Variants in SUPT6H observed in about 807,000 individuals in gnomAD.
SUPT6H encodes transcription elongation factor SPT6.
A neutral mutation model predicts 222.3 loss-of-function variants in SUPT6H; 11 were observed. The ratio of observed to expected loss-of-function variants is 0.05; its 90% CI spans 0.03 to 0.08. The LOEUF (loss-of-function observed/expected upper bound fraction) is 0.08, where lower values mean the gene tolerates loss of function less well. SUPT6H is among the 10% of genes least tolerant of loss of function. The probability of loss-of-function intolerance (pLI) is 1.00; values close to 1 mark genes in which losing one functional copy is unlikely to be tolerated. For synonymous variants in SUPT6H, 762 were observed against 801.2 expected (o/e 0.95, Z 0.83); for missense variants, 1,422 against 2,216.0 (o/e 0.64, Z 7.19).
chr17:28,697,170 C>G lies in SUPT6H; in HGVS notation c.4209+88C>G, dbSNP rs529275573. The G allele has an allele frequency of 2.8e-5, 31 of 1,123,488 alleles. No individual in the cohort carries two copies. In the East Asian group the frequency reaches 7.3e-4, roughly 26 times the overall value. The allele number at this position is 1,123,488 out of a possible 1,614,324, so 69.6% of individuals were successfully genotyped here. A position where few individuals can be genotyped will look rare whatever the true frequency, so the allele number is the denominator to read the frequency against. ...GTGCTTTCACCTGACATTAGTAACT[C>G]GGGTCATAGGTATTTTAGCTGTGCA... On this transcript the variant is annotated intron_variant, in intron 30 of 36. Transcript: ENST00000314616.
At chr17:28,667,222 A>AAG (rs397935233) in intron 1 of SUPT6H, among the ~76,000 whole-genome samples, 1 of 147,870 alleles carries the variant, frequency 6.8e-6, no homozygotes, top group Non-Finnish European at 1.5e-5. Context: ...AAAAAAAAAA[A>AAG]TAGCTGGGCG....
chr17:28,678,755 G>T (rs2030909937), intron 10 of SUPT6H, 66 bp from the exon 11 acceptor site: 1 of 1,612,984 alleles, frequency 6.2e-7, no homozygotes, highest in Non-Finnish European at 8.5e-7. Flanking sequence ...TTCTGGTAAG[G>T]ATCAGAGCAG....
chr17:28,670,007 A>T (rs1373613037), intron 1 of SUPT6H: 2 of 152,208 alleles, frequency 1.3e-5, no homozygotes, highest in Non-Finnish European at 2.9e-5. Flanking sequence ...GCTCTAACAG[A>T]ATACAGCTGT....
chr17:28,692,601 C>T (rs2031719268), intron 27 of SUPT6H, among the ~76,000 whole-genome samples: 1 of 148,240 alleles, frequency 6.7e-6, no homozygotes, highest in South Asian at 2.2e-4. Flanking sequence ...GGCACAGTCA[C>T]ACCAGTAATC....
chr17:28,697,870 T>A (rs1272573262), intron 31 of SUPT6H, 36 bp from the exon 32 acceptor site: 1 of 1,611,426 alleles, frequency 6.2e-7, no homozygotes, highest in African/African-American at 1.3e-5. Flanking sequence ...CCAAGCATGC[T>A]GCTATCCCAA....
At chr17:28,681,154 T>G in intron 11 of SUPT6H, 102 bp from the exon 12 acceptor site, 1 of 1,301,424 alleles carries the variant, frequency 7.7e-7, no homozygotes, top group Non-Finnish European at 1.1e-6. Context: ...GGATCCCATT[T>G]TAGTTGGGAT....
intron 11 of SUPT6H, among the ~76,000 whole-genome samples, chr17:28,680,599 AAAAT>A (rs1393399333): frequency 3.9e-5 from 6 of 152,324 alleles, no homozygotes; most frequent in East Asian, 3.9e-4. Flanking sequence ...CCATCTCAAA[AAAAT>A]AAATAAATAC....
intron 36 of SUPT6H, 112 bp from the exon 37 acceptor site, chr17:28,701,327 G>A: frequency 6.9e-7 from 1 of 1,449,356 alleles, no homozygotes; most frequent in Non-Finnish European, 9.4e-7. Flanking sequence ...CCTTATCCCA[G>A]TAGAGGGGCT....
At chr17:28,669,871 G>A (rs1034624961) in intron 1 of SUPT6H, among the ~76,000 whole-genome samples, 10 of 152,256 alleles carry the variant, frequency 6.6e-5, no homozygotes, top group Non-Finnish European at 1.3e-4. Flanking sequence ...AGGAGGCGGA[G>A]GTTGCAGCGA....
intron 1 of SUPT6H, among the ~76,000 whole-genome samples, chr17:28,667,735 T>A (rs1237970590): frequency 1.3e-5 from 2 of 151,726 alleles, no homozygotes; most frequent in Admixed American, 1.3e-4. Context: ...TTCCCATTGC[T>A]CTCATAGTCC....
chr17:28,663,740 C>T (rs2072109597), intron 1 of SUPT6H, among the ~76,000 whole-genome samples: 1 of 151,098 alleles, frequency 6.6e-6, no homozygotes, highest in Non-Finnish European at 1.5e-5. Context: ...AATTTCCATT[C>T]ATAGATTTCT....
intron 5 of SUPT6H, 26 bp downstream of exon 5, chr17:28,675,188 AGTGTTTGGAT>A: frequency 6.3e-7 from 1 of 1,588,914 alleles, no homozygotes; most frequent in Non-Finnish European, 8.6e-7. Context: ...CAGGGAAGCC[AGTGTTTGGAT>A]GGGTATTGGG....
intron 35 of SUPT6H, 137 bp downstream of exon 35, chr17:28,700,649 T>G (rs2032094543): frequency 3.3e-6 from 4 of 1,225,404 alleles, no homozygotes; most frequent in Non-Finnish European, 3.4e-6. Context: ...ATATTTCTTG[T>G]CCTTAGGCCC....
In SUPT6H at chr17:28,701,882, G is replaced by A. The variant is rs554519516; in HGVS notation, c.*257G>A. ...CCAGGCTGGGAGGGGAGTGTGGCAG[G>A]GAGGAGGAAGAGGAAGGTGAGAATG... On this transcript the variant is annotated 3_prime_UTR_variant, in exon 37 of 37. Transcript: ENST00000314616. 3 of 499,010 alleles carry A rather than the reference G, an allele frequency of 6.0e-6. No homozygotes were observed. The highest frequency in any genetic ancestry group is 6.1e-5 in the East Asian group (2 of 32,710). The allele number at this position is 499,010 out of a possible 1,614,324, so 30.9% of individuals were successfully genotyped here.
chr17:28,678,493 A>C, intron 9 of SUPT6H, 52 bp from the exon 10 acceptor site: 4 of 1,547,386 alleles, frequency 2.6e-6, no homozygotes, highest in Non-Finnish European at 2.7e-6. Flanking sequence ...GACAGAGGGG[A>C]TCTTAGCAAA....
chr17:28,700,217 A>G lies in SUPT6H; in HGVS notation c.4606A>G (p.Ile1536Val). 6.2e-7 allele frequency: 1 copy of G among 1,614,236 alleles called. No homozygotes were observed. The highest frequency in any genetic ancestry group is 8.5e-7 in the Non-Finnish European group (1 of 1,180,048). The change falls in exon 34 of 37, where the codon ATC (isoleucine) becomes GTC (valine). Residue 1536 changes from isoleucine to valine, a missense_variant. By Grantham distance (29) the Ile-to-Val change is conservative. Transcript: ENST00000314616. ...SSSRTRTPAS[I>V]NATPANINLA... ...CAGCAGGACCCGGACACCTGCCTCT[A>G]TCAATGCTACCCCAGCCAACATCAA...
In SUPT6H at chr17:28,697,085, G is replaced by T; in HGVS notation, c.4209+3G>T. ...CCACTCTGTGGATCAACAGTGAGGTGAGAGCCAGTGCCTGCCCACCTCCCA... is the reference window on the plus strand; with the variant it reads ...CCACTCTGTGGATCAACAGTGAGGTTAGAGCCAGTGCCTGCCCACCTCCCA... On this transcript the variant is annotated splice_donor_region_variant and intron_variant, in intron 30 of 36. Transcript: ENST00000314616. 1.2e-6 allele frequency: 2 copies of T among 1,613,282 alleles called. No individual in the cohort carries two copies. The highest frequency in any genetic ancestry group is 1.1e-5 in the South Asian group (1 of 90,976).
chr17:28,699,934 G>C (rs773701297), intron 33 of SUPT6H, 41 bp downstream of exon 33: 1 of 1,575,834 alleles, frequency 6.3e-7, no homozygotes, highest in Non-Finnish European at 8.7e-7. Flanking sequence ...GTGGCTGGAG[G>C]AACACCTAGG....
chr17:28,673,895 G>A (rs1419033024), intron 2 of SUPT6H, among the ~76,000 whole-genome samples: 1 of 152,086 alleles, frequency 6.6e-6, no homozygotes, highest in East Asian at 1.9e-4. Context: ...GTAGAACCAC[G>A]AAATGACTTC....
Sources: gnomAD v4.1 joint callset for allele counts (sites outside exome capture counted in the v4.1 genomes callset) on GRCh38, gnomAD v4.1.1 for gene constraint, MANE v1.5 for transcripts, NCBI Gene and HGNC (gene_info 2026-07-23, HGNC 2026-07-21) for gene names.